The following NSUN3 variants were observed in gnomAD, a reference collection of about 807,000 sequenced individuals.
NSUN3 encodes tRNA (cytosine(34)-C(5))-methyltransferase, mitochondrial.
Under a neutral mutation model 36.8 loss-of-function variants are expected in NSUN3, and 24 were observed. The observed-to-expected ratio is 0.65, with a 90% confidence interval of 0.47 to 0.92. The LOEUF (loss-of-function observed/expected upper bound fraction) is 0.92, where lower values mean the gene tolerates loss of function less well. Ranked by LOEUF, NSUN3 falls within the 40% of genes least tolerant of loss-of-function variation. The probability of loss-of-function intolerance (pLI) is 0.00; values close to 1 mark genes in which losing one functional copy is unlikely to be tolerated. For missense variants in NSUN3, 381 were observed against 392.8 expected (o/e 0.97, Z 0.25); for synonymous variants, 146 against 145.2 (o/e 1.01, Z -0.04).
intron 5 of NSUN3, among the ~76,000 whole-genome samples, chr3:94,115,811 G>A (rs773483846): frequency 5.3e-5 from 8 of 152,124 alleles, no homozygotes; most frequent in African/African-American, 7.2e-5. Flanking sequence ...GAATAGATCC[G>A]AGAAAGAGAA....
At chr3:94,071,010 A>T (rs1209654768) in intron 2 of NSUN3, among the ~76,000 whole-genome samples, 2 of 152,236 alleles carry the variant, frequency 1.3e-5, no homozygotes, top group Admixed American at 6.5e-5. Flanking sequence ...TCATCCACTT[A>T]TTTAACTGAA....
rs115024736 is a variant in NSUN3, at chr3:94,118,615, C to G, written c.744-7596C>G. On this transcript the variant is annotated intron_variant, in intron 5 of 5. Transcript: ENST00000314622. ...GCCAAGGGGCCATAGCTCATTTGGA[C>G]AGGTTAATAGAGGATACTATACTAT... Among the ~76,000 whole-genome samples the G allele has an allele frequency of 5.1e-3, 772 of 151,984 alleles. 7 individuals carry two copies. The highest frequency in any genetic ancestry group is 0.017 in the African/African-American group (703 of 41,458).
chr3:94,116,542 C>T (rs1009113005), intron 5 of NSUN3, among the ~76,000 whole-genome samples: 1 of 152,076 alleles, frequency 6.6e-6, no homozygotes, highest in African/African-American at 2.4e-5. Context: ...CTATCTGATG[C>T]TTTTAAAAGT....
In NSUN3 at chr3:94,064,457, G is replaced by A. The variant is rs576396801; in HGVS notation, c.33G>A (p.Gly11=). ...CATAGCTGAAAGCAAAATCAGAGGG[G>A]AAGCTTGCAAAACAGATTTGCAAAG... The part of the protein sequence containing the change: MLTQLKAKSE[G]KLAKQICKVV... The change falls in exon 2 of 6, where the codon GGG becomes GGA. Residue 11 remains glycine (G), a synonymous_variant. Coordinates refer to ENST00000314622, the MANE Select transcript of NSUN3 (RefSeq NM_022072.5). 6.2e-6 allele frequency: 10 copies of A among 1,613,564 alleles called. No individual in the cohort carries two copies. In the African/African-American group the frequency reaches 1.3e-4, roughly 22 times the overall value.
chr3:94,130,350 T>G lies in NSUN3; in HGVS notation c.*3860T>G, dbSNP rs2077504756. 6.6e-6 allele frequency among the ~76,000 whole-genome samples: 1 copy of G among 152,194 alleles called. No homozygotes were observed. Among genetic ancestry groups the G allele is most frequent in the Non-Finnish European group, 1.5e-5 (1 of 68,034 alleles). Reference sequence around the variant, plus strand: ...AAAGTGGATATCAGAGTTAATACTGTGAAGAGACAAAATAATGAGAATACT... The same window carrying G: ...AAAGTGGATATCAGAGTTAATACTGGGAAGAGACAAAATAATGAGAATACT... On this transcript the variant is annotated 3_prime_UTR_variant, in exon 6 of 6. Transcript: ENST00000314622.
At chr3:94,119,749 A>C (rs1194718627) in intron 5 of NSUN3, among the ~76,000 whole-genome samples, 1 of 152,256 alleles carries the variant, frequency 6.6e-6, no homozygotes, top group Non-Finnish European at 1.5e-5. Flanking sequence ...AAAATACATA[A>C]CTACTGAAAG....
intron 2 of NSUN3, among the ~76,000 whole-genome samples, chr3:94,073,271 A>G (rs1475979439): frequency 2.6e-5 from 4 of 152,178 alleles, no homozygotes; most frequent in African/African-American, 9.7e-5. Context: ...ATATGTGTGC[A>G]TGTGTCCTTA....
chr3:94,091,431 G>A (rs2077314654), intron 3 of NSUN3, among the ~76,000 whole-genome samples: 1 of 152,080 alleles, frequency 6.6e-6, no homozygotes, highest in African/African-American at 2.4e-5. Context: ...TGGAAGATAG[G>A]AGTTAGAAAA....
chr3:94,119,323 T>C (rs1418047188), intron 5 of NSUN3, among the ~76,000 whole-genome samples: 1 of 152,222 alleles, frequency 6.6e-6, no homozygotes, highest in Admixed American at 6.5e-5. Context: ...GAAACTATAG[T>C]GTGTAATGAT....
chr3:94,112,929 A>G (rs2077423791), intron 5 of NSUN3, among the ~76,000 whole-genome samples: 2 of 152,160 alleles, frequency 1.3e-5, no homozygotes, highest in Admixed American at 6.5e-5. Flanking sequence ...CAGTGGCACA[A>G]TCTCGGCTCA....
chr3:94,112,153 A>G (rs1391829266), intron 5 of NSUN3, among the ~76,000 whole-genome samples: 1 of 152,200 alleles, frequency 6.6e-6, no homozygotes, highest in African/African-American at 2.4e-5. Flanking sequence ...CACCCACATT[A>G]TGGAGGGCCA....
At chr3:94,088,940 A>G (rs2077304148) in intron 3 of NSUN3, among the ~76,000 whole-genome samples, 1 of 152,158 alleles carries the variant, frequency 6.6e-6, no homozygotes, top group South Asian at 2.1e-4. Flanking sequence ...AAGTGCTGGG[A>G]TTACAGGCAT....
At chr3:94,064,080 CAT>C (rs1386059580) in intron 1 of NSUN3, 1 of 185,900 alleles carries the variant, frequency 5.4e-6, no homozygotes, top group Non-Finnish European at 1.1e-5. Flanking sequence ...CTCCAGACCT[CAT>C]GTGATCCTCC....
intron 5 of NSUN3, among the ~76,000 whole-genome samples, chr3:94,120,559 GT>G (rs749635009): frequency 5.9e-5 from 9 of 152,130 alleles, no homozygotes; most frequent in Non-Finnish European, 1.3e-4. Context: ...TTAGCATAAT[GT>G]TCTCAGGGTT....
intron 3 of NSUN3, among the ~76,000 whole-genome samples, chr3:94,093,545 C>A (rs906471733): frequency 4.0e-5 from 6 of 151,512 alleles, no homozygotes; most frequent in African/African-American, 1.5e-4. Context: ...GAATAAATAA[C>A]CCCTAGAGAC....
chr3:94,086,059 T>A (rs2077291492), intron 3 of NSUN3, among the ~76,000 whole-genome samples: 1 of 151,414 alleles, frequency 6.6e-6, no homozygotes, highest in South Asian at 2.1e-4. Context: ...TTCTCCCGCC[T>A]CAGCCTCCCG....
At chr3:94,077,231 G>A in intron 2 of NSUN3, 2 of 646,088 alleles carry the variant, frequency 3.1e-6, no homozygotes, top group South Asian at 1.7e-5. Flanking sequence ...GGGGCAGGGA[G>A]GCTGCAGGCC....
chr3:94,096,395 C>T (rs565494022), intron 5 of NSUN3, among the ~76,000 whole-genome samples: 1 of 152,252 alleles, frequency 6.6e-6, no homozygotes, highest in Non-Finnish European at 1.5e-5. Context: ...ACCACCGTTC[C>T]CTTTTAGCCT....
chr3:94,094,077 G>A, intron 3 of NSUN3, 63 bp from the exon 4 acceptor site: 1 of 1,246,322 alleles, frequency 8.0e-7, no homozygotes, highest in Non-Finnish European at 1.1e-6. Context: ...TTTATTTGCT[G>A]AAAAGTAGAA....
Sources: allele counts gnomAD v4.1 joint callset (sites outside exome capture counted in the v4.1 genomes callset), GRCh38; gene constraint gnomAD v4.1.1; transcripts MANE v1.5; gene names NCBI Gene and HGNC (gene_info 2026-07-23, HGNC 2026-07-21).